Variants in DSCAML1 observed in about 807,000 individuals in gnomAD.
The protein encoded by DSCAML1 is DS cell adhesion molecule like 1.
In DSCAML1, 38 loss-of-function variants were observed where a neutral mutation model predicts 200.5. The ratio of observed to expected loss-of-function variants is 0.19; its 90% CI spans 0.15 to 0.25. The LOEUF (loss-of-function observed/expected upper bound fraction) is 0.25, where lower values mean the gene tolerates loss of function less well. Ranked by LOEUF, DSCAML1 falls within the 10% of genes least tolerant of loss-of-function variation. The pLI is 1.00. For missense variants in DSCAML1, 2,223 were observed against 2,858.8 expected, an observed-to-expected ratio of 0.78 and a Z score of 5.07; for synonymous variants, 1,215 against 1,165.0, an observed-to-expected ratio of 1.04 and a Z score of -0.87.
chr11:117,596,989 A>T (rs1019877509), intron 3 of DSCAML1, among the ~76,000 whole-genome samples: 1 of 152,204 alleles, frequency 6.6e-6, no homozygotes, highest in Non-Finnish European at 1.5e-5. Context: ...CTTGGCATAG[A>T]ACAGTGACTG....
In DSCAML1 at chr11:117,433,272, C is replaced by A; in HGVS notation, c.4908-16G>T. 1 of 1,600,704 alleles carries A rather than the reference C, an allele frequency of 6.2e-7. No individual in the cohort carries two copies. ...ATTGTTCTTGCTGTGGGGAGAAAGA[C>A]TGGAGGTGGTGGCTCAGCAGCCATA... On this transcript the variant is annotated splice_polypyrimidine_tract_variant and intron_variant, in intron 28 of 32. Coordinates refer to ENST00000651296, the MANE Select transcript of DSCAML1 (RefSeq NM_020693.4).
At chr11:117,649,371 C>A (rs996348336) in intron 3 of DSCAML1, among the ~76,000 whole-genome samples, 1 of 152,186 alleles carries the variant, frequency 6.6e-6, no homozygotes. Context: ...GCCCCGCCAA[C>A]TTATCACTAT....
Position 117,430,749 on chromosome 11 carries a change from C to T in DSCAML1, c.5659G>A (p.Val1887Met), listed in dbSNP as rs1274442527. The T allele has an allele frequency of 1.2e-6, 2 of 1,613,594 alleles. No individual in the cohort carries two copies. Among genetic ancestry groups the T allele is most frequent in the African/African-American group, 1.3e-5 (1 of 75,046 alleles). ...QDADRGKNVAVPIPHRANKSD... is the reference protein window; with the variant it reads ...QDADRGKNVAMPIPHRANKSD... ...TTGTTGGCCCGGTGAGGGATGGGCA[C>T]AGCCACGTTTTTGCCCCGGTCCGCA... The change falls in exon 32 of 33, where the codon GTG becomes ATG. Residue 1887 changes from valine to methionine, a missense_variant. Val to Met is a conservative substitution (Grantham distance 21, BLOSUM62 1). Coordinates refer to ENST00000651296, the MANE Select transcript of DSCAML1 (RefSeq NM_020693.4).
At chr11:117,672,775 C>G (rs2053137299) in intron 3 of DSCAML1, among the ~76,000 whole-genome samples, 1 of 152,342 alleles carries the variant, frequency 6.6e-6, no homozygotes, top group South Asian at 2.1e-4. Flanking sequence ...ACTTGTTAAA[C>G]TGATTCAAAG....
At chr11:117,584,058 A>G (rs1304504850) in intron 3 of DSCAML1, among the ~76,000 whole-genome samples, 1 of 146,992 alleles carries the variant, frequency 6.8e-6, no homozygotes, top group African/African-American at 2.5e-5. Flanking sequence ...CCTACTCCCC[A>G]CCCCCTCCTC....
At chr11:117,676,906 G>A (rs746068058) in intron 3 of DSCAML1, among the ~76,000 whole-genome samples, 16 of 152,226 alleles carry the variant, frequency 1.1e-4, no homozygotes, top group Non-Finnish European at 1.8e-4. Flanking sequence ...GGGTGTGGCC[G>A]AGCCACGAGA....
In DSCAML1 at chr11:117,521,317, T is replaced by C; in HGVS notation, c.1026A>G (p.Pro342=). ...TGCGATACCAGCGGATGGTGAACTC[T>C]GGGGAGCCCGTCAGGGCACAGGAGA... ...VILSCALTGS[P]EFTIRWYRNT... is the part of the protein sequence containing the mutation. Residue 342 remains proline, a synonymous_variant, in exon 6 of 33, where the codon CCA becomes CCG. Transcript: ENST00000651296. 6.2e-7 allele frequency: 1 copy of C among 1,614,146 alleles called. No homozygotes were observed. The highest frequency in any genetic ancestry group is 8.5e-7 in the Non-Finnish European group (1 of 1,180,022).
Position 117,584,456 on chromosome 11 carries a change from G to A in DSCAML1, c.512-51934C>T, listed in dbSNP as rs1391268113. Reference sequence around the variant, plus strand: ...TTGTCTGCATTCAGGCCTGTATCAAGGAGTTGCATGGCACCAGGTTTGCCC... The same window carrying A: ...TTGTCTGCATTCAGGCCTGTATCAAAGAGTTGCATGGCACCAGGTTTGCCC... On this transcript the variant is annotated intron_variant, in intron 3 of 32. Coordinates refer to ENST00000651296, the MANE Select transcript of DSCAML1 (RefSeq NM_020693.4). 2.0e-5 allele frequency among the ~76,000 whole-genome samples: 3 copies of A among 152,240 alleles called. No individual in the cohort carries two copies. The South Asian group carries it at 6.2e-4, about 32-fold the overall frequency.
intron 3 of DSCAML1, among the ~76,000 whole-genome samples, chr11:117,658,000 C>T (rs546542791): frequency 7.2e-5 from 11 of 152,088 alleles, no homozygotes; most frequent in Non-Finnish European, 1.5e-4. Flanking sequence ...GGCACTGGAG[C>T]GGGGCTTGGT....
At chr11:117,444,355 A>G (rs1201137819) in intron 20 of DSCAML1, among the ~76,000 whole-genome samples, 3 of 152,120 alleles carry the variant, frequency 2.0e-5, no homozygotes, top group Non-Finnish European at 4.4e-5. Flanking sequence ...CGGGGTAGCC[A>G]GGAGAAGGGA....
intron 8 of DSCAML1, among the ~76,000 whole-genome samples, chr11:117,515,205 G>A (rs1227269824): frequency 6.6e-6 from 1 of 152,194 alleles, no homozygotes; most frequent in Non-Finnish European, 1.5e-5. Flanking sequence ...CCAGGCCTGA[G>A]CCCATCCTGG....
chr11:117,515,377 ACCAT>A (rs1176521227), intron 8 of DSCAML1, among the ~76,000 whole-genome samples: 3 of 152,126 alleles, frequency 2.0e-5, no homozygotes, highest in East Asian at 1.9e-4. Context: ...CCTGTCACAC[ACCAT>A]CCAGACAGTC....
At chr11:117,559,486 CTATGTATGGATT>C (rs1199197389) in intron 3 of DSCAML1, among the ~76,000 whole-genome samples, 1 of 152,208 alleles carries the variant, frequency 6.6e-6, no homozygotes, top group Non-Finnish European at 1.5e-5. Context: ...TGACCTTGCA[CTATGTATGGATT>C]TATGATTTTT....
chr11:117,705,323 C>G (rs1189056535), intron 3 of DSCAML1, among the ~76,000 whole-genome samples: 1 of 152,178 alleles, frequency 6.6e-6, no homozygotes, highest in Non-Finnish European at 1.5e-5. Context: ...AGCCGATGTA[C>G]TCTAAGCATG....
chr11:117,620,090 G>A (rs993395013), intron 3 of DSCAML1, among the ~76,000 whole-genome samples: 2 of 152,154 alleles, frequency 1.3e-5, no homozygotes, highest in African/African-American at 4.8e-5. Flanking sequence ...ACATTGCTGA[G>A]TAAAAACAGC....
At chr11:117,676,261 G>A (rs574764219) in intron 3 of DSCAML1, among the ~76,000 whole-genome samples, 1 of 152,066 alleles carries the variant, frequency 6.6e-6, no homozygotes, top group East Asian at 1.9e-4. Flanking sequence ...GGCAGGGAAT[G>A]AGGCAGAGAT....
intron 3 of DSCAML1, among the ~76,000 whole-genome samples, chr11:117,645,468 C>A (rs1287241820): frequency 6.6e-6 from 1 of 152,070 alleles, no homozygotes; most frequent in Non-Finnish European, 1.5e-5. Context: ...TATTTCAAAT[C>A]TGCGGACCAG....
intron 3 of DSCAML1, among the ~76,000 whole-genome samples, chr11:117,743,440 T>C (rs1026611906): frequency 2.0e-5 from 3 of 152,186 alleles, no homozygotes; most frequent in Non-Finnish European, 4.4e-5. Flanking sequence ...TGGACCTCAC[T>C]GTCCTGCCCA....
chr11:117,428,634 G>C lies in DSCAML1; in HGVS notation c.5856C>G (p.Ser1952=), dbSNP rs747904753. ...GGGCCCCTGGGTGGGGAAGGCCCAA[G>C]GACTTGCTGGCAGGGTCCAGGGTCA... is the stretch of plus-strand genomic sequence containing the variant. ...RHLTLDPASK[S]LGLPHPGAPA... The change falls in exon 33 of 33, where the codon TCC becomes TCG. Residue 1952 remains serine (S), a synonymous_variant. Transcript: ENST00000651296. The C allele has an allele frequency of 6.2e-7, 1 of 1,610,886 alleles. No individual in the cohort carries two copies. Among genetic ancestry groups the C allele is most frequent in the African/African-American group, 1.3e-5 (1 of 74,892 alleles).
Sources: allele counts gnomAD v4.1 joint callset (sites outside exome capture counted in the v4.1 genomes callset), GRCh38; gene constraint gnomAD v4.1.1; transcripts MANE v1.5; gene names NCBI Gene and HGNC (gene_info 2026-07-23, HGNC 2026-07-21).